SASH1: variants seen among roughly 807,000 people sequenced by gnomAD.
SASH1 encodes the protein SAM and SH3 domain containing 1.
In SASH1, 44 loss-of-function variants were observed where a neutral mutation model predicts 125.2. The ratio of observed to expected loss-of-function variants is 0.35; its 90% confidence interval spans 0.28 to 0.45. The LOEUF (loss-of-function observed/expected upper bound fraction) is 0.45. Ranked by LOEUF, SASH1 falls within the 20% of genes least tolerant of loss-of-function variation. The pLI, the probability that SASH1 is intolerant of heterozygous loss-of-function variation, is 1.00. For synonymous variants in SASH1, 639 were observed against 649.1 expected, an observed-to-expected ratio of 0.98 and a Z score of 0.24; for missense variants, 1,426 against 1,614.5, an observed-to-expected ratio of 0.88 and a Z score of 2.00.
intron 1 of SASH1, among the ~76,000 whole-genome samples, chr6:148,375,204 C>T (rs1451005064): frequency 6.6e-6 from 1 of 151,814 alleles, no homozygotes; most frequent in African/African-American, 2.4e-5. Context: ...GTTGCCCAGG[C>T]TGGTCTCGAA....
chr6:148,389,827 G>A (rs1235468643), intron 1 of SASH1, among the ~76,000 whole-genome samples: 2 of 152,196 alleles, frequency 1.3e-5, no homozygotes, highest in Non-Finnish European at 2.9e-5. Context: ...AGACTTTGGT[G>A]TTGGCACCAG....
At chr6:148,496,079 C>T (rs1284199200) in intron 8 of SASH1, among the ~76,000 whole-genome samples, 1 of 151,948 alleles carries the variant, frequency 6.6e-6, no homozygotes, top group Non-Finnish European at 1.5e-5. Flanking sequence ...AACTCCTGAC[C>T]TCAGGTGATC....
At chr6:148,244,098 A>G in the SASH1 span, among the ~76,000 whole-genome samples, 1 of 152,210 alleles carries the variant, frequency 6.6e-6, no homozygotes, top group African/African-American at 2.4e-5. Context: ...AATGACTAGG[A>G]ATAGCAAAAA....
At chr6:148,269,762 G>C (rs112125473), upstream of SASH1, among the ~76,000 whole-genome samples, 1 of 151,986 alleles carries the variant, frequency 6.6e-6, no homozygotes, top group Non-Finnish European at 1.5e-5. Flanking sequence ...GGGTGTGGGG[G>C]GGCACAATTC....
At chr6:148,289,350 C>G (rs914587412) in intron 1 of SASH1, among the ~76,000 whole-genome samples, 4 of 152,224 alleles carry the variant, frequency 2.6e-5, no homozygotes, top group Non-Finnish European at 5.9e-5. Flanking sequence ...CCACTGGTCC[C>G]TTCCTGTGGA....
In SASH1 at chr6:148,438,773, G is replaced by A. The variant is rs367843745; in HGVS notation, c.286-1411G>A. ...CAAAACAAACAAAAAAAAAAACCAC[G>A]TAACATAAAATTCACACTCCCAACA... On this transcript the variant is annotated intron_variant, in intron 2 of 19. Coordinates refer to ENST00000367467, the MANE Select transcript of SASH1 (RefSeq NM_015278.5). Among the ~76,000 whole-genome samples, 325 of 134,124 alleles carry A rather than the reference G, an allele frequency of 2.4e-3. 1 individual carries two copies. The highest frequency in any genetic ancestry group is 8.9e-3 in the African/African-American group (310 of 34,710). 88.0% of individuals were successfully genotyped at this position (134,124 alleles called of 152,430 possible). A position where few individuals can be genotyped will look rare whatever the true frequency, so the allele number is the denominator to read the frequency against.
chr6:148,452,124 A>G (rs563857981), intron 4 of SASH1, among the ~76,000 whole-genome samples: 5 of 152,190 alleles, frequency 3.3e-5, no homozygotes, highest in African/African-American at 1.2e-4. Flanking sequence ...TGGAGCCATC[A>G]TTATTTGTTT....
the SASH1 span, among the ~76,000 whole-genome samples, chr6:148,201,010 A>G: frequency 6.6e-6 from 1 of 152,124 alleles, no homozygotes; most frequent in African/African-American, 2.4e-5. Flanking sequence ...TTTCAGCCCT[A>G]TCACTTATGC....
Position 148,342,873 on chromosome 6 carries a change from TG to T in SASH1, c.-193del. 1 of 241,324 alleles carries T rather than the reference TG, an allele frequency of 4.1e-6. No homozygotes were observed. Among genetic ancestry groups the T allele is most frequent in the Non-Finnish European group, 6.7e-6 (1 of 149,566 alleles). The allele number at this position is 241,324 out of a possible 1,614,324, so 14.9% of individuals were successfully genotyped here. A position where few individuals can be genotyped will look rare whatever the true frequency, so the allele number is the denominator to read the frequency against. On this transcript the variant is annotated 5_prime_UTR_variant, in exon 1 of 20. Coordinates refer to ENST00000367467, the MANE Select transcript of SASH1 (RefSeq NM_015278.5). Reference sequence around the variant, plus strand: ...CTGGAGTTGTCAGTCGCGCAGCCCGTGGCCACCTAGACCCGAGGTGCGGGCG... The same window carrying T: ...CTGGAGTTGTCAGTCGCGCAGCCCGTGCCACCTAGACCCGAGGTGCGGGCG...
At chr6:148,452,794 C>T (rs1449563809) in intron 4 of SASH1, among the ~76,000 whole-genome samples, 1 of 152,178 alleles carries the variant, frequency 6.6e-6, no homozygotes, top group Non-Finnish European at 1.5e-5. Context: ...CGGTGCCATA[C>T]ACACAGAGCT....
chr6:148,503,880 A>G (rs1779660949), intron 8 of SASH1, among the ~76,000 whole-genome samples: 1 of 152,112 alleles, frequency 6.6e-6, no homozygotes, highest in African/African-American at 2.4e-5. Context: ...AAGTTTTCTG[A>G]GTATGGGATG....
chr6:148,371,182 G>C (rs1025660294), intron 1 of SASH1, among the ~76,000 whole-genome samples: 15 of 152,108 alleles, frequency 9.9e-5, no homozygotes, highest in Non-Finnish European at 1.5e-5. Context: ...AATGTCACTG[G>C]GCTAATATTT....
At chr6:148,499,057 G>GGTTT (rs1779446831) in intron 8 of SASH1, among the ~76,000 whole-genome samples, 1 of 127,082 alleles carries the variant, frequency 7.9e-6, no homozygotes, top group Non-Finnish European at 1.7e-5. Flanking sequence ...TCTTTTTTTT[G>GGTTT]TTTTTTTTTT....
intron 1 of SASH1, among the ~76,000 whole-genome samples, chr6:148,318,363 A>T (rs1342898427): frequency 6.6e-6 from 1 of 152,226 alleles, no homozygotes; most frequent in African/African-American, 2.4e-5. Context: ...GCATAGTAAC[A>T]GTATAGAAAA....
chr6:148,438,725 C>CA lies in SASH1; in HGVS notation c.286-1438dup, dbSNP rs60769463. On this transcript the variant is annotated intron_variant, in intron 2 of 19. Coordinates refer to ENST00000367467, the MANE Select transcript of SASH1 (RefSeq NM_015278.5). Reference sequence around the variant, plus strand: ...GCACATTCTTTTTTTTTCATTGTGGCAAAAAAAAAAAAAAAAAAAAACCAA... The same window carrying CA: ...GCACATTCTTTTTTTTTCATTGTGGCAAAAAAAAAAAAAAAAAAAAAACCAA... Among the ~76,000 whole-genome samples, 914 of 96,316 alleles carry CA rather than the reference C, an allele frequency of 9.5e-3. 7 individuals are homozygous for CA. Among genetic ancestry groups the CA allele is most frequent in the Admixed American group, 0.032 (255 of 7,906 alleles). 63.2% of individuals were successfully genotyped at this position (96,316 alleles called of 152,430 possible).
At chr6:148,462,361 A>T (rs775822609) in intron 4 of SASH1, among the ~76,000 whole-genome samples, 2 of 151,362 alleles carry the variant, frequency 1.3e-5, no homozygotes, top group Non-Finnish European at 2.9e-5. Flanking sequence ...CCAAAACATG[A>T]AGTGTATTTT....
At chr6:148,471,996 CG>C (rs1778143915) in intron 6 of SASH1, among the ~76,000 whole-genome samples, 1 of 152,120 alleles carries the variant, frequency 6.6e-6, no homozygotes, top group African/African-American at 2.4e-5. Context: ...TTTGCCCGGG[CG>C]GCTTTGTGAA....
Position 148,312,724 on chromosome 6 carries a change from G to A in SASH1, n.74+40347G>A, listed in dbSNP as rs1780364754. 2.0e-5 allele frequency among the ~76,000 whole-genome samples: 3 copies of A among 152,120 alleles called. No individual in the cohort carries two copies. In the South Asian group the frequency reaches 6.2e-4, roughly 32 times the overall value. Reference sequence around the variant, plus strand: ...AATGCATAAAGTAAAATTTGCTAAAGTTTATTGACCATTTACTCTACGCTA... The same window carrying A: ...AATGCATAAAGTAAAATTTGCTAAAATTTATTGACCATTTACTCTACGCTA... On this transcript the variant is annotated intron_variant and non_coding_transcript_variant, in intron 1 of 3. Coordinates refer to the SASH1 transcript ENST00000367469.
At chr6:148,434,049 T>C (rs1282467527) in intron 2 of SASH1, among the ~76,000 whole-genome samples, 1 of 145,226 alleles carries the variant, frequency 6.9e-6, no homozygotes, top group Non-Finnish European at 1.5e-5. Context: ...TTTAAAAACA[T>C]AGGGGAACTG....
Sources: gnomAD v4.1 joint callset for allele counts (sites outside exome capture counted in the v4.1 genomes callset) on GRCh38, gnomAD v4.1.1 for gene constraint, MANE v1.5 for transcripts, NCBI Gene and HGNC (gene_info 2026-07-23, HGNC 2026-07-21) for gene names.